ADAM9: variants seen among roughly 807,000 people sequenced by gnomAD.
The protein encoded by ADAM9 is disintegrin and metalloproteinase domain-containing protein 9.
A neutral mutation model predicts 108.1 loss-of-function variants in ADAM9; 54 were observed. That is an observed-to-expected ratio of 0.50 (90% CI 0.40 to 0.63). The LOEUF is 0.63. Among genes scored for constraint, ADAM9 ranks in the 20% least tolerant of loss-of-function variants. The probability of loss-of-function intolerance (pLI) is 0.00; values close to 1 mark genes in which losing one functional copy is unlikely to be tolerated. For missense variants in ADAM9, 830 were observed against 997.7 expected (o/e 0.83, Z 2.26); for synonymous variants, 316 against 336.0 (o/e 0.94, Z 0.65).
intron 20 of ADAM9, among the ~76,000 whole-genome samples, chr8:39,100,681 T>A (rs978904909): frequency 1.8e-4 from 28 of 152,142 alleles, no homozygotes; most frequent in Non-Finnish European, 2.6e-4. Context: ...GGGAAAAAAA[T>A]TGCAGATGAT....
rs755055669 is a variant in ADAM9 at position 39,054,584 on chromosome 8, C to T, written c.1395+11C>T. On this transcript the variant is annotated intron_variant, in intron 13 of 21. Coordinates refer to ENST00000487273, the MANE Select transcript of ADAM9 (RefSeq NM_003816.3). ...TGTAAAGACTGTCGGGTAAGGAATT[C>T]CTCCCTTTTGGAAACAGGAAAAAAA... 8 of 1,543,582 alleles carry T rather than the reference C, an allele frequency of 5.2e-6. No individual in the cohort carries two copies. Among genetic ancestry groups the T allele is most frequent in the Middle Eastern group, 1.7e-4 (1 of 5,882 alleles).
At chr8:39,006,981 A>G (rs1448850839) in intron 1 of ADAM9, among the ~76,000 whole-genome samples, 2 of 152,182 alleles carry the variant, frequency 1.3e-5, no homozygotes, top group East Asian at 3.9e-4. Flanking sequence ...TGTCCATTTA[A>G]TAAGTGTCTT....
At chr8:39,049,550 T>C (rs1837886908) in intron 12 of ADAM9, among the ~76,000 whole-genome samples, 1 of 151,530 alleles carries the variant, frequency 6.6e-6, no homozygotes, top group Non-Finnish European at 1.5e-5. Flanking sequence ...GTGATTCTCC[T>C]GCCTCAGCCT....
rs559903635 is a variant in ADAM9 at position 39,014,853 on chromosome 8, A to G, written c.333+810A>G. On this transcript the variant is annotated intron_variant, in intron 4 of 21. Coordinates refer to ENST00000487273, the MANE Select transcript of ADAM9 (RefSeq NM_003816.3). ...AGATTAATTATTAGTACTTACAAAA[A>G]CCAAGGAAATGCTGACTTAGGCCTA... is the stretch of plus-strand genomic sequence containing the variant. 1.3e-5 allele frequency: 4 copies of G among 318,922 alleles called. No homozygotes were observed. The East Asian group carries it at 2.4e-4, about 19-fold the overall frequency. The allele number at this position is 318,922 out of a possible 1,614,324, so 19.8% of individuals were successfully genotyped here. A position where few individuals can be genotyped will look rare whatever the true frequency, so the allele number is the denominator to read the frequency against.
intron 2 of ADAM9, among the ~76,000 whole-genome samples, chr8:39,008,663 T>C (rs1444625171): frequency 6.6e-6 from 1 of 152,188 alleles, no homozygotes; most frequent in African/African-American, 2.4e-5. Flanking sequence ...ACTCAGTTTG[T>C]GATAGCTAGA....
intron 14 of ADAM9, among the ~76,000 whole-genome samples, chr8:39,065,074 T>A (rs768215282): frequency 6.6e-6 from 1 of 152,140 alleles, no homozygotes; most frequent in Non-Finnish European, 1.5e-5. Flanking sequence ...TCTGGAAATT[T>A]CTTCCCTTTC....
intron 1 of ADAM9, among the ~76,000 whole-genome samples, chr8:38,999,105 C>T (rs1468148443): frequency 6.6e-6 from 1 of 151,956 alleles, no homozygotes. Flanking sequence ...TTGTTTCTCT[C>T]GGGGAACGTT....
At chr8:39,035,122 A>AAT (rs944447711) in intron 11 of ADAM9, among the ~76,000 whole-genome samples, 131 of 151,898 alleles carry the variant, frequency 8.6e-4, no homozygotes, top group African/African-American at 3.1e-3. Context: ...TAGTTTTTTA[A>AAT]ATATGTTTCC....
chr8:39,033,245 A>T (rs572757650), intron 11 of ADAM9, among the ~76,000 whole-genome samples: 2 of 152,330 alleles, frequency 1.3e-5, no homozygotes, highest in Admixed American at 6.5e-5. Flanking sequence ...ATAGGAAAGT[A>T]ATTGACTTTT....
rs2129441901 is a variant in ADAM9 at position 39,077,423 on chromosome 8, ATTT to A, written c.1881+16_1881+18del. On this transcript the variant is annotated intron_variant, in intron 16 of 21. Transcript: ENST00000487273. ...GTGGTGCTGGAAAGGTAATCAAAAT[ATTT>A]TTTATTTACAAAGTAAAATGAAAAA... The A allele has an allele frequency of 6.2e-7, 1 of 1,601,868 alleles. No homozygotes were observed. The highest frequency in any genetic ancestry group is 1.7e-5 in the Admixed American group (1 of 59,244).
At chr8:39,063,869 A>G (rs1838374294) in intron 14 of ADAM9, among the ~76,000 whole-genome samples, 1 of 152,174 alleles carries the variant, frequency 6.6e-6, no homozygotes, top group Non-Finnish European at 1.5e-5. Flanking sequence ...CTACAAGGCT[A>G]GGAGTTCAAT....
intron 5 of ADAM9, among the ~76,000 whole-genome samples, chr8:39,016,666 G>A (rs562064348): frequency 2.0e-5 from 3 of 152,316 alleles, no homozygotes; most frequent in African/African-American, 7.2e-5. Context: ...ACATGGCACT[G>A]TGCTGGTTGG....
intron 7 of ADAM9, among the ~76,000 whole-genome samples, chr8:39,020,063 A>C (rs1057011304): frequency 3.9e-5 from 6 of 152,228 alleles, no homozygotes; most frequent in Non-Finnish European, 8.8e-5. Context: ...AGGCGGGCGG[A>C]TCACGAGATC....
chr8:39,032,257 A>G (rs1837120346), intron 11 of ADAM9, among the ~76,000 whole-genome samples: 1 of 152,248 alleles, frequency 6.6e-6, no homozygotes, highest in Non-Finnish European at 1.5e-5. Context: ...CCTTTTGTTT[A>G]GCTATGCCCT....
intron 2 of ADAM9, among the ~76,000 whole-genome samples, chr8:39,010,219 C>G (rs1290187394): frequency 6.6e-6 from 1 of 152,156 alleles, no homozygotes; most frequent in Non-Finnish European, 1.5e-5. Context: ...TTCAGTTTCT[C>G]AGATTTCTTT....
intron 16 of ADAM9, among the ~76,000 whole-genome samples, chr8:39,079,500 G>A (rs933045185): frequency 7.2e-5 from 11 of 152,014 alleles, no homozygotes; most frequent in African/African-American, 2.2e-4. Flanking sequence ...ATTTTTTGAG[G>A]CTTCTCATAT....
At chr8:39,009,509 G>C (rs908515279) in intron 2 of ADAM9, among the ~76,000 whole-genome samples, 1 of 152,218 alleles carries the variant, frequency 6.6e-6, no homozygotes, top group Non-Finnish European at 1.5e-5. Flanking sequence ...AGAGTGCTGG[G>C]ATTACAGGCA....
intron 12 of ADAM9, among the ~76,000 whole-genome samples, chr8:39,048,986 A>G (rs977367973): frequency 7.8e-5 from 11 of 140,832 alleles, no homozygotes; most frequent in Admixed American, 7.2e-4. Context: ...AGTCTCTTGT[A>G]GATAGCATAT....
In ADAM9 at chr8:39,091,366, T is replaced by C. The variant is rs775362446; in HGVS notation, c.2298+20T>C. 1 of 1,596,446 alleles carries C rather than the reference T, an allele frequency of 6.3e-7. No individual in the cohort carries two copies. Among genetic ancestry groups the C allele is most frequent in the Admixed American group, 1.7e-5 (1 of 60,000 alleles). Reference sequence around the variant, plus strand: ...GAAGTTGTAAGTATAAAATGAAAAATTATTTTTCTTTACTGTATTAAAGGA... The same window carrying C: ...GAAGTTGTAAGTATAAAATGAAAAACTATTTTTCTTTACTGTATTAAAGGA... On this transcript the variant is annotated intron_variant, in intron 20 of 21. Coordinates refer to ENST00000487273, the MANE Select transcript of ADAM9 (RefSeq NM_003816.3).
Sources: allele counts gnomAD v4.1 joint callset (sites outside exome capture counted in the v4.1 genomes callset), GRCh38; gene constraint gnomAD v4.1.1; transcripts MANE v1.5; gene names NCBI Gene and HGNC (gene_info 2026-07-23, HGNC 2026-07-21).